EYA1: variants seen among roughly 807,000 people sequenced by gnomAD.
EYA1 encodes the protein EYA transcriptional coactivator and phosphatase 1, also known as protein phosphatase EYA1.
A neutral mutation model predicts 82.0 loss-of-function variants in EYA1; 16 were observed. The ratio of observed to expected loss-of-function variants is 0.20; its 90% CI spans 0.13 to 0.30. The LOEUF is 0.30. Among genes scored for constraint, EYA1 ranks in the 10% least tolerant of loss-of-function variants. The pLI, the probability that EYA1 is intolerant of heterozygous loss-of-function variation, is 1.00. For missense variants in EYA1, 633 were observed against 730.7 expected (o/e 0.87, Z 1.54); for synonymous variants, 261 against 264.4 (o/e 0.99, Z 0.12).
intron 10 of EYA1, 134 bp downstream of exon 10, chr8:71,271,624 G>T: frequency 1.1e-6 from 1 of 943,852 alleles, no homozygotes; most frequent in Non-Finnish European, 1.7e-6. Flanking sequence ...TTTATCTATT[G>T]TTAATATAAA....
intron 3 of EYA1, among the ~76,000 whole-genome samples, chr8:71,348,089 C>A (rs1000413840): frequency 1.3e-5 from 2 of 152,052 alleles, no homozygotes; most frequent in Non-Finnish European, 2.9e-5. Context: ...TTTTTTCCTA[C>A]CCAAACCAAA....
intron 2 of EYA1, among the ~76,000 whole-genome samples, chr8:71,510,342 G>A (rs921576582): frequency 6.6e-6 from 1 of 152,146 alleles, no homozygotes; most frequent in African/African-American, 2.4e-5. Flanking sequence ...TTGAGCATGA[G>A]ATGTTGCAGT....
At chr8:71,281,908 C>A (rs575443617) in intron 9 of EYA1, among the ~76,000 whole-genome samples, 1 of 152,318 alleles carries the variant, frequency 6.6e-6, no homozygotes, top group South Asian at 2.1e-4. Flanking sequence ...ACACTCAGCA[C>A]CAGGGATGTG....
intron 11 of EYA1, among the ~76,000 whole-genome samples, chr8:71,258,971 C>T (rs1285503382): frequency 1.3e-5 from 2 of 152,256 alleles, no homozygotes; most frequent in East Asian, 3.9e-4. Context: ...AATTGTGTCA[C>T]AAAGTTGCTT....
chr8:71,334,556 C>A (rs192334084), intron 3 of EYA1, among the ~76,000 whole-genome samples: 2 of 152,224 alleles, frequency 1.3e-5, no homozygotes, highest in East Asian at 3.9e-4. Flanking sequence ...AAGGATAGAA[C>A]AGAAAGATGT....
intron 2 of EYA1, among the ~76,000 whole-genome samples, chr8:71,455,079 AC>A (rs1320848545): frequency 6.6e-6 from 1 of 152,232 alleles, no homozygotes; most frequent in East Asian, 1.9e-4. Context: ...AGGGGATATC[AC>A]CACTGATCCA....
chr8:71,212,599 A>G (rs995963894), intron 16 of EYA1, among the ~76,000 whole-genome samples: 56 of 152,210 alleles, frequency 3.7e-4, no homozygotes, highest in African/African-American at 1.3e-3. Context: ...CTCATTGCCA[A>G]TTTGGGGTCA....
At chr8:71,526,724 A>G (rs1462804718) in intron 2 of EYA1, among the ~76,000 whole-genome samples, 1 of 152,208 alleles carries the variant, frequency 6.6e-6, no homozygotes, top group Non-Finnish European at 1.5e-5. Context: ...GGAGAAAGCC[A>G]TACGGGCCTT....
chr8:71,233,313 C>T (rs1811424163), intron 12 of EYA1, among the ~76,000 whole-genome samples: 1 of 151,908 alleles, frequency 6.6e-6, no homozygotes, highest in Admixed American at 6.6e-5. Context: ...GCCTGTAATC[C>T]CAGCACTTTG....
intron 2 of EYA1, among the ~76,000 whole-genome samples, chr8:71,446,690 T>C (rs1321367877): frequency 1.3e-5 from 2 of 152,214 alleles, no homozygotes; most frequent in African/African-American, 4.8e-5. Flanking sequence ...TTTTGAATTA[T>C]TGCAACAGCT....
At chr8:71,462,482 G>T (rs4268155) in intron 2 of EYA1, among the ~76,000 whole-genome samples, 23,221 of 152,140 alleles carry the variant, frequency 0.15, 3,148 homozygotes, top group East Asian at 0.47. Flanking sequence ...GTGTACAGAG[G>T]TGCAAAGATG....
chr8:71,359,200 TTC>T (rs1452338448), intron 1 of EYA1, among the ~76,000 whole-genome samples: 28 of 152,326 alleles, frequency 1.8e-4, no homozygotes, highest in African/African-American at 6.3e-4. Context: ...TAACTTTGAC[TTC>T]TGATTAGTTA....
chr8:71,463,619 CT>C (rs1297426987), intron 2 of EYA1, among the ~76,000 whole-genome samples: 3,120 of 125,566 alleles, frequency 0.025, 373 homozygotes, highest in East Asian at 0.12. Flanking sequence ...CTCTCTCTCT[CT>C]CTCTCTCTCT....
At chr8:71,535,830 G>T in exon 2 of EYA1, 2 of 1,225,648 alleles carry the variant, frequency 1.6e-6, no homozygotes, top group South Asian at 1.5e-5. Flanking sequence ...TTCTTCAAAG[G>T]GTTCCAACAC....
chr8:71,382,361 C>T (rs986192837), intron 2 of EYA1, among the ~76,000 whole-genome samples: 14 of 151,986 alleles, frequency 9.2e-5, no homozygotes, highest in Non-Finnish European at 2.1e-4. Context: ...CAGAAAATAT[C>T]TCAAAATTCG....
At chr8:71,314,829 A>G (rs777833605) in intron 7 of EYA1, among the ~76,000 whole-genome samples, 1 of 152,216 alleles carries the variant, frequency 6.6e-6, no homozygotes, top group Non-Finnish European at 1.5e-5. Flanking sequence ...GAATAAAAAC[A>G]CACAAAAAGT....
intron 9 of EYA1, among the ~76,000 whole-genome samples, chr8:71,288,803 AT>A (rs879410058): frequency 8.5e-5 from 13 of 152,224 alleles, no homozygotes; most frequent in Non-Finnish European, 1.5e-4. Context: ...ATAGCAGAGA[AT>A]TATACCCTTA....
At chr8:71,316,826 T>C (rs1211301147) in intron 7 of EYA1, among the ~76,000 whole-genome samples, 1 of 152,238 alleles carries the variant, frequency 6.6e-6, no homozygotes, top group Non-Finnish European at 1.5e-5. Context: ...GTTTAAATTA[T>C]GTGAGAACTA....
intron 2 of EYA1, among the ~76,000 whole-genome samples, chr8:71,429,451 T>C (rs540990466): frequency 2.3e-4 from 35 of 152,314 alleles, no homozygotes; most frequent in African/African-American, 8.2e-4. Context: ...GGTCAAATTA[T>C]AATAATATAC....
Sources: gnomAD v4.1 joint callset for allele counts (sites outside exome capture counted in the v4.1 genomes callset) on GRCh38, gnomAD v4.1.1 for gene constraint, MANE v1.5 for transcripts, NCBI Gene and HGNC (gene_info 2026-07-23, HGNC 2026-07-21) for gene names.